VAV1: variants seen among roughly 807,000 people sequenced by gnomAD.
VAV1 encodes proto-oncogene vav.
Under a neutral mutation model 128.1 loss-of-function variants are expected in VAV1, and 33 were observed. That is an observed-to-expected ratio of 0.26 (90% CI 0.20 to 0.34). The LOEUF (loss-of-function observed/expected upper bound fraction) is 0.34. Ranked by LOEUF, VAV1 falls within the 10% of genes least tolerant of loss-of-function variation. VAV1 has a pLI of 1.00. For missense variants in VAV1, 715 were observed against 1,093.7 expected (o/e 0.65, Z 4.88); for synonymous variants, 394 against 409.8 (o/e 0.96, Z 0.47).
At chr19:6,790,071 G>A (rs10416057) in intron 1 of VAV1, among the ~76,000 whole-genome samples, 206 of 152,282 alleles carry the variant, frequency 1.4e-3, no homozygotes, top group Middle Eastern at 6.8e-3. Context: ...CCAGCTACTC[G>A]AGAGGCTGAG....
At chr19:6,831,098 TG>T (rs1275149990) in intron 14 of VAV1, among the ~76,000 whole-genome samples, 1 of 151,900 alleles carries the variant, frequency 6.6e-6, no homozygotes, top group Non-Finnish European at 1.5e-5. Flanking sequence ...AAAAAATAAA[TG>T]AATGAAACAG....
intron 24 of VAV1, 108 bp from the exon 25 acceptor site, chr19:6,852,857 A>T: frequency 1.2e-6 from 1 of 816,268 alleles, no homozygotes; most frequent in South Asian, 1.7e-5. Context: ...CAAAGAGGCC[A>T]GAAACAGGGC....
In VAV1 at chr19:6,834,947, G is replaced by A. The variant is rs115717631; in HGVS notation, c.1777+994G>A. Among the ~76,000 whole-genome samples, 1,501 of 151,712 alleles carry A rather than the reference G, an allele frequency of 9.9e-3. 24 individuals carry two copies. Among genetic ancestry groups the A allele is most frequent in the African/African-American group, 0.034 (1,419 of 41,384 alleles). The stretch of plus-strand genomic sequence containing the variant: ...TCTACAAAAACATTTTTAAAAATTA[G>A]CGGGGTTCTTGCTTGAGCCCAGGAG... On this transcript the variant is annotated intron_variant, in intron 19 of 26. Transcript: ENST00000602142.
chr19:6,824,609 G>A (rs1971871477), intron 6 of VAV1, among the ~76,000 whole-genome samples: 1 of 151,862 alleles, frequency 6.6e-6, no homozygotes, highest in East Asian at 1.9e-4. Context: ...TCAGCTCACT[G>A]CAACCTCTGC....
intron 1 of VAV1, among the ~76,000 whole-genome samples, chr19:6,783,160 C>T (rs973286745): frequency 1.3e-5 from 2 of 152,066 alleles, no homozygotes; most frequent in Middle Eastern, 3.4e-3. Flanking sequence ...AGCCTGGTGA[C>T]AGAGCGAGAC....
intron 21 of VAV1, among the ~76,000 whole-genome samples, chr19:6,841,648 G>A (rs1972380775): frequency 6.6e-6 from 1 of 151,490 alleles, no homozygotes; most frequent in African/African-American, 2.4e-5. Context: ...CTAATTTTTT[G>A]TATTTTTAGT....
chr19:6,795,375 C>G (rs951349999), intron 1 of VAV1, among the ~76,000 whole-genome samples: 1 of 152,040 alleles, frequency 6.6e-6, no homozygotes, highest in African/African-American at 2.4e-5. Context: ...GTATCGCTCG[C>G]GAAATAGGAG....
intron 14 of VAV1, 77 bp from the exon 15 acceptor site, chr19:6,832,014 G>A: frequency 1.6e-6 from 2 of 1,256,166 alleles, no homozygotes; most frequent in Non-Finnish European, 2.3e-6. Context: ...GTTCCCTACA[G>A]AGGGAGGGGT....
intron 19 of VAV1, among the ~76,000 whole-genome samples, chr19:6,835,424 TA>T (rs1034211871): frequency 2.6e-5 from 4 of 152,202 alleles, no homozygotes; most frequent in Non-Finnish European, 4.4e-5. Flanking sequence ...GAAATCACCT[TA>T]AAAATTTTTT....
chr19:6,818,330 A>G (rs753443823), intron 1 of VAV1, among the ~76,000 whole-genome samples: 2 of 152,198 alleles, frequency 1.3e-5, no homozygotes, highest in Admixed American at 1.3e-4. Context: ...GTGCCACAAC[A>G]AAGTACCACG....
chr19:6,833,021 CACGATTCAGTGTGGCCAAAGGGTGAAA>C (rs1972123576), intron 15 of VAV1, among the ~76,000 whole-genome samples, 136 bp from the exon 16 acceptor site: 1 of 152,138 alleles, frequency 6.6e-6, no homozygotes, highest in Admixed American at 6.6e-5. Context: ...TGCATGGCAG[CACGATTCAGTGTGGCCAAAGGGTGAAA>C]ACGACCCAAA....
rs577222258 is a variant in VAV1, at chr19:6,817,646, G to A, written c.205-3056G>A. On this transcript the variant is annotated intron_variant, in intron 1 of 26. Transcript: ENST00000602142. ...CAAAACTAAGGGGATAGAAAACGCCGGAGTAGGGGTGTGGGATTTTATGAA... is the reference window on the plus strand; with the variant it reads ...CAAAACTAAGGGGATAGAAAACGCCAGAGTAGGGGTGTGGGATTTTATGAA... 5.9e-5 allele frequency among the ~76,000 whole-genome samples: 9 copies of A among 152,072 alleles called. No individual in the cohort carries two copies. The East Asian group carries it at 7.7e-4, about 13-fold the overall frequency.
chr19:6,776,405 TATCC>T (rs59104898), intron 1 of VAV1, among the ~76,000 whole-genome samples: 36,955 of 87,208 alleles, frequency 0.42, 5,666 homozygotes, highest in African/African-American at 0.46. Context: ...CCCACCCATC[TATCC>T]ATCCATCCAT....
chr19:6,853,935 C>G lies in VAV1; in HGVS notation c.2333-12C>G, dbSNP rs1327343116. The G allele has an allele frequency of 6.2e-7, 1 of 1,607,356 alleles. No homozygotes were observed. Among genetic ancestry groups the G allele is most frequent in the African/African-American group, 1.3e-5 (1 of 74,918 alleles). On this transcript the variant is annotated splice_polypyrimidine_tract_variant and intron_variant, in intron 25 of 26. Transcript: ENST00000602142. ...CCCAGACCCTTTTCTCACTTCTGTT[C>G]TCTCTCCACAGTGGGAAGCACAAAG...
chr19:6,824,776 C>A (rs902935032), intron 6 of VAV1, among the ~76,000 whole-genome samples: 1 of 152,138 alleles, frequency 6.6e-6, no homozygotes, highest in African/African-American at 2.4e-5. Flanking sequence ...GTGATCCACC[C>A]ACCTCAGGCT....
intron 6 of VAV1, 94 bp from the exon 7 acceptor site, chr19:6,824,959 A>G (rs985158432): frequency 1.4e-5 from 19 of 1,316,278 alleles, no homozygotes; most frequent in Non-Finnish European, 2.1e-5. Context: ...GCCTCTCTTT[A>G]TCTCCCTCTC....
chr19:6,845,722 A>G (rs1349228737), intron 22 of VAV1, among the ~76,000 whole-genome samples: 1 of 148,850 alleles, frequency 6.7e-6, no homozygotes, highest in Non-Finnish European at 1.5e-5. Context: ...ACCATACACA[A>G]TATATTATAA....
intron 1 of VAV1, among the ~76,000 whole-genome samples, chr19:6,789,220 G>T (rs1207059117): frequency 1.3e-5 from 2 of 151,962 alleles, no homozygotes; most frequent in African/African-American, 4.8e-5. Flanking sequence ...CTTTGAATTA[G>T]AATATTTATT....
At chr19:6,806,829 T>C (rs1025747138) in intron 1 of VAV1, among the ~76,000 whole-genome samples, 1 of 152,244 alleles carries the variant, frequency 6.6e-6, no homozygotes, top group Admixed American at 6.5e-5. Context: ...TGTGCATAAT[T>C]AGTTAATGAA....
Sources: gnomAD v4.1 joint callset for allele counts (sites outside exome capture counted in the v4.1 genomes callset) on GRCh38, gnomAD v4.1.1 for gene constraint, MANE v1.5 for transcripts, NCBI Gene and HGNC (gene_info 2026-07-23, HGNC 2026-07-21) for gene names.